The following CELSR1 variants were observed in gnomAD, a reference collection of about 807,000 sequenced individuals.
CELSR1 encodes the protein adhesion G protein-coupled receptor C1.
CELSR1 carries 110 observed loss-of-function variants against 249.1 expected under a neutral mutation model. The ratio of observed to expected loss-of-function variants is 0.44; its 90% CI spans 0.38 to 0.52. The LOEUF is 0.52. Ranked by LOEUF, CELSR1 falls within the 20% of genes least tolerant of loss-of-function variation. CELSR1 has a pLI of 0.00. For synonymous variants in CELSR1, 2,113 were observed against 1,900.0 expected, an observed-to-expected ratio of 1.11 and a Z score of -2.92; for missense variants, 4,109 against 4,296.4, an observed-to-expected ratio of 0.96 and a Z score of 1.22.
At chr22:46,491,540 G>A (rs764181475) in intron 1 of CELSR1, among the ~76,000 whole-genome samples, 2 of 151,722 alleles carry the variant, frequency 1.3e-5, no homozygotes, top group Non-Finnish European at 2.9e-5. Flanking sequence ...TGGGATTACA[G>A]GTGTGAGCCA....
chr22:46,449,382 C>T (rs910194038), intron 2 of CELSR1, among the ~76,000 whole-genome samples: 1 of 151,740 alleles, frequency 6.6e-6, no homozygotes, highest in Non-Finnish European at 1.5e-5. Flanking sequence ...TCCATCCATC[C>T]AACCACCCAT....
At chr22:46,476,033 A>C (rs2080204955) in intron 1 of CELSR1, among the ~76,000 whole-genome samples, 1 of 152,160 alleles carries the variant, frequency 6.6e-6, no homozygotes, top group African/African-American at 2.4e-5. Flanking sequence ...GACGTTGAGC[A>C]AGTGCATTCT....
rs772104447 is a variant in CELSR1, at chr22:46,534,638, A to C, written c.2533T>G (p.Tyr845Asp). The C allele has an allele frequency of 9.3e-6, 15 of 1,613,804 alleles. No homozygotes were observed. The highest frequency in any genetic ancestry group is 1.3e-5 in the Non-Finnish European group (15 of 1,180,028). Reference sequence around the variant, plus strand: ...TCATAGTCCAGCTCCATCATGGTGTACATGGTGCCACTGTCGGGGTCAATG... The same window carrying C: ...TCATAGTCCAGCTCCATCATGGTGTCCATGGTGCCACTGTCGGGGTCAATG... ...FRIDPDSGTM[Y>D]TMMELDYENQ... Residue 845 changes from tyrosine (Y) to aspartate (D), a missense_variant, in exon 1 of 35, where the codon TAC becomes GAC. Coordinates refer to ENST00000674500, the MANE Select transcript of CELSR1 (RefSeq NM_001378328.1). This position sits in a 1 kb window ranked among gnomAD's most constrained non-coding sequence, Gnocchi z 9.7.
chr22:46,401,448 CAG>C lies in CELSR1; in HGVS notation c.5227-1548_5227-1547del, dbSNP rs1314594282. On this transcript the variant is annotated intron_variant, in intron 9 of 34. Transcript: ENST00000674500. This position sits in a 1 kb window ranked among gnomAD's most constrained non-coding sequence, Gnocchi z 4.7. ...TTCAGGCTCACAACCAAGGAAAAGA[CAG>C]AATCTGCAAAACAGCGTGGCGTGTG... is the stretch of plus-strand genomic sequence containing the variant. Among the ~76,000 whole-genome samples the C allele has an allele frequency of 2.0e-5, 3 of 152,182 alleles. No individual in the cohort carries two copies. Among genetic ancestry groups the C allele is most frequent in the Non-Finnish European group, 2.9e-5 (2 of 68,022 alleles).
At chr22:46,366,564 G>GC (rs34100600) in intron 29 of CELSR1, 84 bp from the exon 30 acceptor site, 62,806 of 1,110,038 alleles carry the variant, frequency 0.057, 2,668 homozygotes, top group African/African-American at 0.16. Context: ...CCCACGGCAA[G>GC]CCCCCCACAC....
rs1208584757 is a variant in CELSR1 at position 46,445,224 on chromosome 22, T to C, written c.4184-5813A>G. 6.6e-6 allele frequency among the ~76,000 whole-genome samples: 1 copy of C among 152,004 alleles called. No homozygotes were observed. ...AAATAAAAAATAAGGCTGGGTGTAG[T>C]GGCTCAGGCCTGTCATCCCAGCACT... On this transcript the variant is annotated intron_variant, in intron 2 of 34. Transcript: ENST00000674500. This position sits in a 1 kb window ranked among gnomAD's most constrained non-coding sequence, Gnocchi z 4.4.
In CELSR1 at chr22:46,447,866, C is replaced by T. The variant is rs144274228; in HGVS notation, c.4184-8455G>A. 9.7e-4 allele frequency among the ~76,000 whole-genome samples: 147 copies of T among 152,256 alleles called. 1 individual carries two copies. In the East Asian group the frequency reaches 0.01, roughly 11 times the overall value. On this transcript the variant is annotated intron_variant, in intron 2 of 34. Coordinates refer to ENST00000674500, the MANE Select transcript of CELSR1 (RefSeq NM_001378328.1). This position sits in a 1 kb window ranked among gnomAD's most constrained non-coding sequence, Gnocchi z 4.7. ...AACTCCTGACCTCAGGTGATCTGCTCGCCTTAGCCTCCCAAAGTGCTGGGA... is the reference window on the plus strand; with the variant it reads ...AACTCCTGACCTCAGGTGATCTGCTTGCCTTAGCCTCCCAAAGTGCTGGGA...
At chr22:46,470,750 C>T (rs1394313799) in intron 1 of CELSR1, among the ~76,000 whole-genome samples, 3 of 152,138 alleles carry the variant, frequency 2.0e-5, no homozygotes, top group Non-Finnish European at 2.9e-5. Flanking sequence ...ATCCCCACAA[C>T]GGAATATGAC....
intron 24 of CELSR1, among the ~76,000 whole-genome samples, chr22:46,373,488 G>A (rs572962361): frequency 7.2e-6 from 1 of 139,110 alleles, no homozygotes; most frequent in Non-Finnish European, 1.6e-5. Context: ...GCTCTGGGGT[G>A]GGGGGGGCAG....
At chr22:46,477,073 C>T (rs1029146704) in intron 1 of CELSR1, among the ~76,000 whole-genome samples, 2 of 152,148 alleles carry the variant, frequency 1.3e-5, no homozygotes, top group Non-Finnish European at 2.9e-5. Flanking sequence ...ACCAAGCTGT[C>T]GAATGAAGTC....
chr22:46,522,123 C>T (rs1043497653), intron 1 of CELSR1, among the ~76,000 whole-genome samples: 5 of 151,950 alleles, frequency 3.3e-5, no homozygotes, highest in African/African-American at 9.7e-5. Flanking sequence ...CAGTTATTGC[C>T]CTGCAAAAGC....
intron 23 of CELSR1, 139 bp downstream of exon 23, chr22:46,378,452 T>G: frequency 2.3e-6 from 2 of 862,436 alleles, no homozygotes; most frequent in Non-Finnish European, 3.6e-6. Context: ...GAAGATTTAG[T>G]TTGAGGAGGG....
At chr22:46,476,788 G>A (rs772883330) in intron 1 of CELSR1, among the ~76,000 whole-genome samples, 1 of 152,070 alleles carries the variant, frequency 6.6e-6, no homozygotes. Flanking sequence ...GGGACCAGAA[G>A]TGATTAAGCT....
intron 1 of CELSR1, among the ~76,000 whole-genome samples, chr22:46,510,539 A>G (rs1192567518): frequency 2.0e-5 from 3 of 152,200 alleles, no homozygotes; most frequent in Non-Finnish European, 4.4e-5. Flanking sequence ...CCCTGCCAAC[A>G]GGAGAGGCGC....
rs2079565363 is a variant in CELSR1, at chr22:46,429,004, G to A, written c.4611+4389C>T. ...CGTTAAACATCTTGCTGGCACGTCTGTGTCCCCGACCCTGCCAGGAGCTCC... is the reference window on the plus strand; with the variant it reads ...CGTTAAACATCTTGCTGGCACGTCTATGTCCCCGACCCTGCCAGGAGCTCC... On this transcript the variant is annotated intron_variant, in intron 5 of 34. Transcript: ENST00000674500. This position sits in a 1 kb window ranked among gnomAD's most constrained non-coding sequence, Gnocchi z 4.1. 6.6e-6 allele frequency among the ~76,000 whole-genome samples: 1 copy of A among 152,156 alleles called. No homozygotes were observed. Among genetic ancestry groups the A allele is most frequent in the South Asian group, 2.1e-4 (1 of 4,826 alleles).
In CELSR1 at chr22:46,445,996, C is replaced by T. The variant is rs1473631180; in HGVS notation, c.4184-6585G>A. ...CGCACAGCCTCCAGACCTACTTGTC[C>T]CTTGCCTCGCGACAGCACAGTCCTC... On this transcript the variant is annotated intron_variant, in intron 2 of 34. Transcript: ENST00000674500. The surrounding 1 kb of genome is among the most constrained non-coding windows in gnomAD (Gnocchi z 4.4). Among the ~76,000 whole-genome samples, 1 of 152,180 alleles carries T rather than the reference C, an allele frequency of 6.6e-6. No individual in the cohort carries two copies. Among genetic ancestry groups the T allele is most frequent in the African/African-American group, 2.4e-5 (1 of 41,460 alleles).
At position 46,366,904 on chromosome 22, in the gene CELSR1, C is replaced by T; in HGVS notation, c.8205+89G>A. The stretch of plus-strand genomic sequence containing the variant: ...CCCACCGTGAGGGGCATACGGGCCG[C>T]AGGACTGGGGCTGAGGCTCGATCAC... On this transcript the variant is annotated intron_variant, in intron 29 of 34. Coordinates refer to ENST00000674500, the MANE Select transcript of CELSR1 (RefSeq NM_001378328.1). The T allele has an allele frequency of 2.7e-6, 4 of 1,493,918 alleles. No individual in the cohort carries two copies. The South Asian group carries it at 5.2e-5, about 19-fold the overall frequency. The allele number at this position is 1,493,918 out of a possible 1,614,324, so 92.5% of individuals were successfully genotyped here.
chr22:46,528,052 C>A (rs1280474383), intron 1 of CELSR1, among the ~76,000 whole-genome samples: 1 of 140,062 alleles, frequency 7.1e-6, no homozygotes, highest in Non-Finnish European at 1.5e-5. Flanking sequence ...TGCAGTGAGC[C>A]AAATCATGCC....
chr22:46,443,484 C>T (rs909857), intron 2 of CELSR1, among the ~76,000 whole-genome samples: 64,165 of 152,136 alleles, frequency 0.42, 14,137 homozygotes, highest in African/African-American at 0.51. Flanking sequence ...GAGGCTAACC[C>T]CCCTACCACT....
Sources: allele counts gnomAD v4.1 joint callset (sites outside exome capture counted in the v4.1 genomes callset), GRCh38; gene constraint gnomAD v4.1.1; non-coding constraint Gnocchi (gnomAD v3.1); transcripts MANE v1.5; gene names NCBI Gene and HGNC (gene_info 2026-07-23, HGNC 2026-07-21).